The following SCMH1 variants were observed in gnomAD, a reference collection of about 807,000 sequenced individuals.
SCMH1 encodes Scm polycomb group protein homolog 1, also known as polycomb protein SCMH1.
Under a neutral mutation model 70.8 loss-of-function variants are expected in SCMH1, and 37 were observed. The observed-to-expected ratio is 0.52, with a 90% CI of 0.40 to 0.69. The LOEUF is 0.69. Among genes scored for constraint, SCMH1 ranks in the 30% least tolerant of loss-of-function variants. The pLI, the probability that SCMH1 is intolerant of heterozygous loss-of-function variation, is 0.00. For synonymous variants in SCMH1, 292 were observed against 307.4 expected, an observed-to-expected ratio of 0.95 and a Z score of 0.52; for missense variants, 607 against 827.3, an observed-to-expected ratio of 0.73 and a Z score of 3.27.
At chr1:41,029,970 T>C (rs1224712881) in intron 13 of SCMH1, among the ~76,000 whole-genome samples, 1 of 152,186 alleles carries the variant, frequency 6.6e-6, no homozygotes, top group Non-Finnish European at 1.5e-5. Context: ...TCCCAGCACT[T>C]TGGGATGCTG....
chr1:41,137,626 A>G (rs1354388086), intron 6 of SCMH1, among the ~76,000 whole-genome samples: 1 of 152,232 alleles, frequency 6.6e-6, no homozygotes, highest in Non-Finnish European at 1.5e-5. Context: ...GTTTCATAGT[A>G]GAGTTACTGT....
intron 2 of SCMH1, among the ~76,000 whole-genome samples, chr1:41,174,892 C>T (rs946417231): frequency 6.6e-6 from 1 of 152,128 alleles, no homozygotes; most frequent in Non-Finnish European, 1.5e-5. Context: ...GAACTTCACT[C>T]CCCTGGGGAA....
intron 1 of SCMH1, among the ~76,000 whole-genome samples, chr1:41,221,908 A>G (rs1411796574): frequency 6.9e-6 from 1 of 145,796 alleles, no homozygotes; most frequent in Non-Finnish European, 1.5e-5. Flanking sequence ...AAAAAAAAAA[A>G]AAAAAAAAAA....
chr1:41,187,762 C>G (rs987209409), intron 1 of SCMH1, among the ~76,000 whole-genome samples: 4 of 151,048 alleles, frequency 2.6e-5, no homozygotes, highest in Non-Finnish European at 5.9e-5. Flanking sequence ...ACAGTGAGAC[C>G]CCCATCTCTA....
At chr1:41,082,890 T>C (rs545083505) in intron 8 of SCMH1, among the ~76,000 whole-genome samples, 4 of 152,272 alleles carry the variant, frequency 2.6e-5, no homozygotes, top group South Asian at 2.1e-4. Flanking sequence ...ATTATCTCAA[T>C]AGATGCAGAA....
At chr1:41,186,977 G>A (rs1650391909) in intron 1 of SCMH1, among the ~76,000 whole-genome samples, 1 of 152,140 alleles carries the variant, frequency 6.6e-6, no homozygotes, top group Non-Finnish European at 1.5e-5. Context: ...AAATGGGACT[G>A]TAGCAATTCT....
chr1:41,209,336 A>G (rs1656423855), intron 1 of SCMH1, among the ~76,000 whole-genome samples: 1 of 152,220 alleles, frequency 6.6e-6, no homozygotes, highest in South Asian at 2.1e-4. Flanking sequence ...AAGCAATAAA[A>G]AAAGAGGGAA....
At chr1:41,114,214 T>A (rs1479077317) in intron 7 of SCMH1, among the ~76,000 whole-genome samples, 1 of 152,164 alleles carries the variant, frequency 6.6e-6, no homozygotes, top group Non-Finnish European at 1.5e-5. Flanking sequence ...GATATATACA[T>A]CTTCTGCTTT....
chr1:41,234,272 T>C (rs964571077), intron 1 of SCMH1, among the ~76,000 whole-genome samples: 3 of 152,028 alleles, frequency 2.0e-5, no homozygotes, highest in African/African-American at 4.8e-5. Context: ...CTGTTTTTTT[T>C]CTTTCTGCTC....
chr1:41,208,394 T>A, intron 1 of SCMH1, among the ~76,000 whole-genome samples: 1 of 137,618 alleles, frequency 7.3e-6, no homozygotes, highest in African/African-American at 2.7e-5. Flanking sequence ...ACCTGCACAA[T>A]GTGCACATGT....
intron 1 of SCMH1, among the ~76,000 whole-genome samples, chr1:41,186,471 G>A (rs755160341): frequency 6.6e-6 from 1 of 152,110 alleles, no homozygotes; most frequent in African/African-American, 2.4e-5. Context: ...AAAGAATACA[G>A]ATATTTGCTA....
chr1:41,128,438 T>C (rs1225887780), intron 6 of SCMH1, among the ~76,000 whole-genome samples: 1 of 152,188 alleles, frequency 6.6e-6, no homozygotes, highest in Non-Finnish European at 1.5e-5. Context: ...TATAGAATTC[T>C]AGCTTAACAA....
intron 12 of SCMH1, among the ~76,000 whole-genome samples, chr1:41,044,450 A>T (rs768211461): frequency 7.2e-5 from 11 of 151,742 alleles, no homozygotes; most frequent in Non-Finnish European, 1.5e-4. Flanking sequence ...AGCAGGCAGG[A>T]AGGCAGGCAG....
intron 13 of SCMH1, among the ~76,000 whole-genome samples, chr1:41,030,192 G>A (rs770801605): frequency 6.6e-6 from 1 of 152,148 alleles, no homozygotes; most frequent in Non-Finnish European, 1.5e-5. Context: ...CAGCCTGGGT[G>A]ACAGAGCGAG....
chr1:41,072,447 A>G (rs1269141374), intron 9 of SCMH1, among the ~76,000 whole-genome samples: 2 of 152,238 alleles, frequency 1.3e-5, no homozygotes, highest in African/African-American at 4.8e-5. Flanking sequence ...AAATGGGCTC[A>G]GGGCTTTATC....
intron 8 of SCMH1, among the ~76,000 whole-genome samples, chr1:41,089,787 CTTTTTTTTTTTTT>C (rs373229472): frequency 0.033 from 1,950 of 58,896 alleles, 192 homozygotes; most frequent in African/African-American, 0.13. Flanking sequence ...CATGTTGTCT[CTTTTTTTTTTTTT>C]TTTTTTTTTG....
At chr1:41,117,428 C>A (rs888810368) in intron 6 of SCMH1, among the ~76,000 whole-genome samples, 1 of 152,122 alleles carries the variant, frequency 6.6e-6, no homozygotes, top group East Asian at 1.9e-4. Flanking sequence ...CGTTGCCAAG[C>A]GGACCGTGGT....
chr1:41,155,984 C>CAAAAAAAAAAAAAA (rs386366781), intron 4 of SCMH1, among the ~76,000 whole-genome samples: 39 of 74,624 alleles, frequency 5.2e-4, no homozygotes, highest in African/African-American at 2.2e-3. Flanking sequence ...GACTCCGTCT[C>CAAAAAAAAAAAAAA]AAAAAAAAAA....
chr1:41,070,725 T>C lies in SCMH1; in HGVS notation c.979-4A>G. 1.2e-6 allele frequency: 2 copies of C among 1,613,898 alleles called. No individual in the cohort carries two copies. The highest frequency in any genetic ancestry group is 1.7e-6 in the Non-Finnish European group (2 of 1,179,866). On this transcript the variant is annotated splice_polypyrimidine_tract_variant and splice_region_variant and intron_variant, in intron 9 of 14. Transcript: ENST00000337495. ...TCAGCAAAGTCCGAGGTTTCCTCTG[T>C]CAAAATGAATGGGAAAAAAATTGCT...
Sources: allele counts gnomAD v4.1 joint callset (sites outside exome capture counted in the v4.1 genomes callset), GRCh38; gene constraint gnomAD v4.1.1; transcripts MANE v1.5; gene names NCBI Gene and HGNC (gene_info 2026-07-23, HGNC 2026-07-21).